COL14A1: variants seen among roughly 807,000 people sequenced by gnomAD.
COL14A1 encodes the protein collagen alpha-1(XIV) chain.
In COL14A1, 136 loss-of-function variants were observed where a neutral mutation model predicts 230.3. The observed-to-expected ratio is 0.59, with a 90% confidence interval of 0.51 to 0.68. The LOEUF is 0.68. Ranked by LOEUF, COL14A1 falls within the 30% of genes least tolerant of loss-of-function variation. The pLI, the probability that COL14A1 is intolerant of heterozygous loss-of-function variation, is 0.00. For missense variants in COL14A1, 1,976 were observed against 2,215.8 expected (o/e 0.89, Z 2.17); for synonymous variants, 792 against 784.1 (o/e 1.01, Z -0.17).
chr8:120,321,550 G>A (rs978280430), intron 40 of COL14A1, among the ~76,000 whole-genome samples: 2 of 152,008 alleles, frequency 1.3e-5, no homozygotes, highest in African/African-American at 4.8e-5. Flanking sequence ...GGCTGAGGCA[G>A]GAGAATCACT....
chr8:120,172,145 TTTTG>T (rs61273777), intron 5 of COL14A1, among the ~76,000 whole-genome samples: 23 of 151,360 alleles, frequency 1.5e-4, no homozygotes, highest in Middle Eastern at 3.4e-3. Context: ...GGTTAAATTC[TTTTG>T]TTTGTTTGTT....
chr8:120,281,565 TAA>T (rs61230108), intron 31 of COL14A1, among the ~76,000 whole-genome samples: 27 of 138,078 alleles, frequency 2.0e-4, no homozygotes, highest in Admixed American at 2.2e-4. Context: ...ACCCCGTCTT[TAA>T]AAAAAAAAAA....
Position 120,367,183 on chromosome 8 carries a change from T to C in COL14A1, c.5090T>C (p.Ile1697Thr). The change falls in exon 46 of 48, where the codon ATC (isoleucine) becomes ACC (threonine). Residue 1697 changes from isoleucine (I) to threonine (T), a missense_variant. Around this residue, in one of 3 missense-constraint regions of COL14A1, gnomAD observed 1,791 missense variants for 2,019.5 expected, o/e 0.89. Coordinates refer to ENST00000297848, the MANE Select transcript of COL14A1 (RefSeq NM_021110.4). Reference protein sequence around the residue: ...GTPGERGLTGIKGEKGNPGVG... With the variant: ...GTPGERGLTGTKGEKGNPGVG... ...TTATTTTAAACAGGTCTAACTGGTA[T>C]CAAAGGAGAAAAAGGAAATCCAGGC... The C allele has an allele frequency of 6.2e-7, 1 of 1,612,756 alleles. No individual in the cohort carries two copies. Among genetic ancestry groups the C allele is most frequent in the Admixed American group, 1.7e-5 (1 of 59,902 alleles).
Position 120,250,612 on chromosome 8 carries a change from T to C in COL14A1, c.2603-5T>C, listed in dbSNP as rs1390347924. 6.2e-7 allele frequency: 1 copy of C among 1,614,000 alleles called. No individual in the cohort carries two copies. Among genetic ancestry groups the C allele is most frequent in the Non-Finnish European group, 8.5e-7 (1 of 1,179,974 alleles). ...TAACTAAAATATATCCTCTTTCTTCTTTAGTTCCTGGTCCAACACTGGAAA... is the reference window on the plus strand; with the variant it reads ...TAACTAAAATATATCCTCTTTCTTCCTTAGTTCCTGGTCCAACACTGGAAA... On this transcript the variant is annotated splice_polypyrimidine_tract_variant and splice_region_variant and intron_variant, in intron 21 of 47. Coordinates refer to ENST00000297848, the MANE Select transcript of COL14A1 (RefSeq NM_021110.4).
At position 120,278,449 on chromosome 8, in the gene COL14A1, T is replaced by C. The variant is rs755154855; in HGVS notation, c.3352T>C (p.Tyr1118His). Reference protein sequence around the residue: ...GNTKTGKAIKYVRDTLFTAES... With the variant: ...GNTKTGKAIKHVRDTLFTAES... The stretch of plus-strand genomic sequence containing the variant: ...CTTTGTTTCAGGAAAAGCAATTAAG[T>C]ATGTTCGAGATACCTTGTTCACTGC... The change falls in exon 28 of 48, where the codon TAT (tyrosine) becomes CAT (histidine). Residue 1118 changes from tyrosine to histidine, a missense_variant. This residue lies in a region of COL14A1 where 1,791 missense variants were observed against 2,019.5 expected (regional missense o/e 0.89). Coordinates refer to ENST00000297848, the MANE Select transcript of COL14A1 (RefSeq NM_021110.4). 14 of 1,611,046 alleles carry C rather than the reference T, an allele frequency of 8.7e-6. No homozygotes were observed. The South Asian group carries it at 1.0e-4, about 11-fold the overall frequency.
At chr8:120,241,167 T>C (rs1818596340) in intron 19 of COL14A1, among the ~76,000 whole-genome samples, 1 of 152,244 alleles carries the variant, frequency 6.6e-6, no homozygotes. Flanking sequence ...TTTAGAAACA[T>C]TGATAGCCAT....
intron 2 of COL14A1, among the ~76,000 whole-genome samples, chr8:120,156,386 C>G (rs976458323): frequency 1.3e-5 from 2 of 152,142 alleles, no homozygotes; most frequent in Non-Finnish European, 2.9e-5. Flanking sequence ...TCAGGCTGGT[C>G]TCAAACTCCT....
intron 2 of COL14A1, among the ~76,000 whole-genome samples, chr8:120,148,144 CTTTTT>C (rs59311466): frequency 2.4e-5 from 3 of 122,974 alleles, no homozygotes. Flanking sequence ...ATAGGTCATT[CTTTTT>C]TTTTTTTTTT....
intron 4 of COL14A1, among the ~76,000 whole-genome samples, chr8:120,166,915 T>TGC (rs1176626962): frequency 2.7e-5 from 4 of 146,962 alleles, no homozygotes; most frequent in African/African-American, 1.0e-4. Context: ...TGTGTGTGTG[T>TGC]GTGTGTGGTG....
At position 120,371,223 on chromosome 8, in the gene COL14A1, G is replaced by A. The variant is rs763217274; in HGVS notation, c.5383G>A (p.Gly1795Arg). 4 of 1,610,070 alleles carry A rather than the reference G, an allele frequency of 2.5e-6. No individual in the cohort carries two copies. The Admixed American group carries it at 6.7e-5, about 27-fold the overall frequency. Residue 1795 changes from glycine to arginine, a missense_variant, in exon 48 of 48, where the codon GGA becomes AGA. Coordinates refer to ENST00000297848, the MANE Select transcript of COL14A1 (RefSeq NM_021110.4). ...GGAAGCCATGGAACTGTGGGGCCCT[G>A]GAGTCTGATAGCCTCAGGAGAAATT... ...ELEAMELWGPGV is the reference protein window; with the variant it reads ...ELEAMELWGPRV
intron 5 of COL14A1, among the ~76,000 whole-genome samples, chr8:120,172,604 A>G (rs1436854402): frequency 1.3e-5 from 2 of 152,140 alleles, no homozygotes; most frequent in East Asian, 1.9e-4. Context: ...TTTGGTTGCT[A>G]CTAACCTGGA....
At chr8:120,214,339 A>G (rs1250160870) in intron 13 of COL14A1, among the ~76,000 whole-genome samples, 3 of 152,220 alleles carry the variant, frequency 2.0e-5, no homozygotes, top group Non-Finnish European at 4.4e-5. Context: ...TTCTAATGTA[A>G]GAATTTAATA....
Position 120,236,256 on chromosome 8 carries a change from C to T in COL14A1, c.2349+4638C>T, listed in dbSNP as rs565530630. 1.6e-4 allele frequency among the ~76,000 whole-genome samples: 25 copies of T among 152,250 alleles called. No individual in the cohort carries two copies. In the South Asian group the frequency reaches 5.2e-3, roughly 32 times the overall value. ...TATTATTGTGTGGGAGTCTAAGTCTCTTTGTAGGTTTCTAAGAATTTGCTT... is the reference window on the plus strand; with the variant it reads ...TATTATTGTGTGGGAGTCTAAGTCTTTTTGTAGGTTTCTAAGAATTTGCTT... On this transcript the variant is annotated intron_variant, in intron 19 of 47. Coordinates refer to ENST00000297848, the MANE Select transcript of COL14A1 (RefSeq NM_021110.4).
chr8:120,242,985 A>C (rs1378169066), intron 19 of COL14A1, among the ~76,000 whole-genome samples: 1 of 151,700 alleles, frequency 6.6e-6, no homozygotes, highest in Non-Finnish European at 1.5e-5. Context: ...TGGTCTTGTG[A>C]CTCCCTTAAA....
At chr8:120,241,711 A>G (rs1039019036) in intron 19 of COL14A1, among the ~76,000 whole-genome samples, 2 of 152,092 alleles carry the variant, frequency 1.3e-5, no homozygotes, top group African/African-American at 2.4e-5. Context: ...TTGAAAATGA[A>G]TATCAATAGG....
In COL14A1 at chr8:120,339,906, C is replaced by T. The variant is rs563233325; in HGVS notation, c.4786-1419C>T. Among the ~76,000 whole-genome samples, 300 of 152,042 alleles carry T rather than the reference C, an allele frequency of 2.0e-3. 2 individuals are homozygous for T. The highest frequency in any genetic ancestry group is 3.5e-3 in the South Asian group (17 of 4,804). On this transcript the variant is annotated intron_variant, in intron 42 of 47. Transcript: ENST00000297848. The stretch of plus-strand genomic sequence containing the variant: ...TACAAAAATTAGCCGGATGTGGTGG[C>T]ACGCACCTGTAGTCTCAGCTACTCA...
intron 32 of COL14A1, 87 bp from the exon 33 acceptor site, chr8:120,285,774 G>A: frequency 1.3e-6 from 1 of 789,420 alleles, no homozygotes; most frequent in Non-Finnish European, 2.1e-6. Context: ...AACAATCGAT[G>A]CATTGTTTTG....
chr8:120,316,133 A>G, intron 40 of COL14A1, 136 bp downstream of exon 40: 1 of 728,158 alleles, frequency 1.4e-6, no homozygotes, highest in Non-Finnish European at 2.3e-6. Context: ...TGTATTTTCC[A>G]CCTATCCTGC....
chr8:120,301,549 G>T (rs1184926983), intron 36 of COL14A1, among the ~76,000 whole-genome samples: 1 of 152,034 alleles, frequency 6.6e-6, no homozygotes, highest in Admixed American at 6.6e-5. Flanking sequence ...CTTTTTTATA[G>T]CTGCATGGTA....
Sources: gnomAD v4.1 joint callset for allele counts (sites outside exome capture counted in the v4.1 genomes callset) on GRCh38, gnomAD v4.1.1 for gene constraint, gnomAD v4.1.1 regional missense constraint, MANE v1.5 for transcripts, NCBI Gene and HGNC (gene_info 2026-07-23, HGNC 2026-07-21) for gene names.